Variants in CCNYL1 observed in about 807,000 individuals in gnomAD.
The protein encoded by CCNYL1 is cyclin Y like 1.
CCNYL1 carries 16 observed loss-of-function variants against 44.2 expected under a neutral mutation model. That is an observed-to-expected ratio of 0.36 (90% confidence interval 0.25 to 0.55). CCNYL1 has a LOEUF of 0.55. CCNYL1 is among the 20% of genes least tolerant of loss of function. The probability of loss-of-function intolerance (pLI) is 0.85; values close to 1 mark genes in which losing one functional copy is unlikely to be tolerated. For synonymous variants in CCNYL1, 159 were observed against 163.2 expected (o/e 0.97, Z 0.20); for missense variants, 348 against 451.8 (o/e 0.77, Z 2.08).
intron 3 of CCNYL1, among the ~76,000 whole-genome samples, chr2:207,729,468 C>T (rs1295258530): frequency 6.6e-6 from 1 of 152,036 alleles, no homozygotes; most frequent in Non-Finnish European, 1.5e-5. Context: ...TTGTTTTGCT[C>T]TCTCTTGTTG....
At chr2:207,743,469 G>A (rs138880931) in intron 7 of CCNYL1, among the ~76,000 whole-genome samples, 107 of 152,312 alleles carry the variant, frequency 7.0e-4, no homozygotes, top group Middle Eastern at 3.4e-3. Flanking sequence ...AAGTGGAGAA[G>A]CTAGGCATGG....
intron 5 of CCNYL1, among the ~76,000 whole-genome samples, chr2:207,737,694 A>T (rs202137713): frequency 1.0e-3 from 120 of 118,380 alleles, no homozygotes; most frequent in Middle Eastern, 3.7e-3. Context: ...TTGAGAATTT[A>T]AAAAAAAAAA....
At chr2:207,730,936 A>T (rs1315043248) in intron 3 of CCNYL1, among the ~76,000 whole-genome samples, 7 of 152,188 alleles carry the variant, frequency 4.6e-5, no homozygotes, top group African/African-American at 1.7e-4. Context: ...GCCATGTTTA[A>T]CCCAAATTTA....
chr2:207,722,308 C>T (rs1030491974), intron 1 of CCNYL1, among the ~76,000 whole-genome samples: 3 of 152,024 alleles, frequency 2.0e-5, no homozygotes, highest in Admixed American at 2.0e-4. Flanking sequence ...CTCCTGACCT[C>T]ATGATCTGCC....
chr2:207,748,556 CTT>C (rs2091871468), intron 8 of CCNYL1, among the ~76,000 whole-genome samples: 2 of 152,186 alleles, frequency 1.3e-5, no homozygotes, highest in African/African-American at 2.4e-5. Context: ...GTGAGAATGG[CTT>C]TGTGGGTGGC....
intron 1 of CCNYL1, chr2:207,714,314 T>C (rs1019220824): frequency 1.7e-4 from 15 of 85,894 alleles, no homozygotes; most frequent in African/African-American, 6.0e-4. Context: ...TTACATCTCT[T>C]TTTTTTTTTT....
intron 9 of CCNYL1, among the ~76,000 whole-genome samples, chr2:207,752,579 A>G: frequency 6.6e-6 from 1 of 152,138 alleles, no homozygotes; most frequent in East Asian, 1.9e-4. Context: ...GGTTTTTAAT[A>G]GAAATGGTAA....
At chr2:207,747,465 T>G (rs1373553351) in intron 8 of CCNYL1, among the ~76,000 whole-genome samples, 1 of 152,166 alleles carries the variant, frequency 6.6e-6, no homozygotes, top group African/African-American at 2.4e-5. Flanking sequence ...CTTGATAAAT[T>G]GAAAAATATT....
Position 207,740,626 on chromosome 2 carries a change from C to T in CCNYL1, c.468-29C>T, listed in dbSNP as rs781022696. On this transcript the variant is annotated intron_variant, in intron 5 of 9. Coordinates refer to ENST00000295414, the MANE Select transcript of CCNYL1 (RefSeq NM_001330218.2). ...CAGATATTAACAATTCCTGAATTAA[C>T]TTCTTCAATGCATATTCTTATTTTA... 1.5e-5 allele frequency: 22 copies of T among 1,457,346 alleles called. No homozygotes were observed. The South Asian group carries it at 2.3e-4, about 15-fold the overall frequency. The allele number at this position is 1,457,346 out of a possible 1,614,324, so 90.3% of individuals were successfully genotyped here.
intron 2 of CCNYL1, among the ~76,000 whole-genome samples, chr2:207,725,208 C>A (rs2091671209): frequency 6.6e-6 from 1 of 150,404 alleles, no homozygotes; most frequent in African/African-American, 2.4e-5. Context: ...CTCACTGCAG[C>A]CTCCATCTCC....
chr2:207,733,933 C>T lies in CCNYL1; in HGVS notation c.331-14C>T, dbSNP rs771747848. 3.9e-6 allele frequency: 6 copies of T among 1,537,678 alleles called. No homozygotes were observed. The South Asian group carries it at 6.8e-5, about 17-fold the overall frequency. ...CTTACTGTGACATTTTCTTCTATTT[C>T]CCTTCCCCTTCAGGTATCTCCAGGG... On this transcript the variant is annotated splice_polypyrimidine_tract_variant and intron_variant, in intron 3 of 9. Coordinates refer to ENST00000295414, the MANE Select transcript of CCNYL1 (RefSeq NM_001330218.2).
chr2:207,718,953 C>A, intron 1 of CCNYL1, among the ~76,000 whole-genome samples: 2 of 148,956 alleles, frequency 1.3e-5, no homozygotes, highest in Admixed American at 6.7e-5. Context: ...TATATCCACA[C>A]AGAGGAGAAT....
chr2:207,719,860 C>T (rs932548885), intron 1 of CCNYL1, among the ~76,000 whole-genome samples: 9 of 151,972 alleles, frequency 5.9e-5, no homozygotes, highest in Non-Finnish European at 1.2e-4. Flanking sequence ...TCCCAAGTAG[C>T]TGGGACTAAG....
chr2:207,745,650 A>G (rs1375548313), intron 7 of CCNYL1, among the ~76,000 whole-genome samples: 3 of 152,236 alleles, frequency 2.0e-5, no homozygotes, highest in African/African-American at 7.2e-5. Flanking sequence ...AAGCTCTGTT[A>G]AAATGAACTT....
chr2:207,718,238 G>T (rs1310643113), intron 1 of CCNYL1, among the ~76,000 whole-genome samples: 3 of 152,140 alleles, frequency 2.0e-5, no homozygotes, highest in Non-Finnish European at 4.4e-5. Context: ...AGATCAGACG[G>T]TGGCTCATGC....
At chr2:207,744,241 T>A (rs1018221465) in intron 7 of CCNYL1, among the ~76,000 whole-genome samples, 11 of 152,066 alleles carry the variant, frequency 7.2e-5, no homozygotes, top group Non-Finnish European at 1.5e-4. Flanking sequence ...TGTGTGTGTG[T>A]GTGTGTGTTC....
rs549115378 is a variant in CCNYL1 at position 207,715,075 on chromosome 2, CTGGCCAACA to C, written c.220+2963_220+2971del. 2.0e-4 allele frequency among the ~76,000 whole-genome samples: 31 copies of C among 152,266 alleles called. No homozygotes were observed. The South Asian group carries it at 5.4e-3, about 27-fold the overall frequency. ...ACGAGGTCAGGAGTTCGAGAGCAGC[CTGGCCAACA>C]TGGTGAAACCCCGTCTCTACTAAAA... On this transcript the variant is annotated intron_variant, in intron 1 of 9. Coordinates refer to ENST00000295414, the MANE Select transcript of CCNYL1 (RefSeq NM_001330218.2).
At chr2:207,740,852 G>T in intron 6 of CCNYL1, 146 bp downstream of exon 6, 1 of 621,440 alleles carries the variant, frequency 1.6e-6, no homozygotes, top group Non-Finnish European at 2.8e-6. Context: ...AATTAAAATG[G>T]TGTAAACATT....
chr2:207,726,291 A>G (rs1297507124), intron 2 of CCNYL1, among the ~76,000 whole-genome samples: 1 of 152,234 alleles, frequency 6.6e-6, no homozygotes, highest in East Asian at 1.9e-4. Flanking sequence ...CATTCATTTT[A>G]ACATTTAAAT....
Sources: allele counts gnomAD v4.1 joint callset (sites outside exome capture counted in the v4.1 genomes callset), GRCh38; gene constraint gnomAD v4.1.1; transcripts MANE v1.5; gene names NCBI Gene and HGNC (gene_info 2026-07-23, HGNC 2026-07-21).